NDUFAF4: variants seen among roughly 807,000 people sequenced by gnomAD.
The protein encoded by NDUFAF4 is NADH:ubiquinone oxidoreductase complex assembly factor 4, also known as NADH dehydrogenase [ubiquinone] 1 alpha subcomplex assembly factor 4.
Under a neutral mutation model 15.6 loss-of-function variants are expected in NDUFAF4, and 10 were observed. That is an observed-to-expected ratio of 0.64 (90% CI 0.40 to 1.09). NDUFAF4 has a LOEUF of 1.09. NDUFAF4 is among the 50% of genes least tolerant of loss of function. The pLI, the probability that NDUFAF4 is intolerant of heterozygous loss-of-function variation, is 0.01. For missense variants in NDUFAF4, 203 were observed against 207.3 expected (o/e 0.98, Z 0.13); for synonymous variants, 77 against 73.3 (o/e 1.05, Z -0.26).
chr6:96,897,049 C>T (rs1284704357), intron 1 of NDUFAF4: 1 of 517,246 alleles, frequency 1.9e-6, no homozygotes, highest in Non-Finnish European at 3.5e-6. Context: ...ACCTCAGCCT[C>T]CCGACAAGCT....
chr6:96,895,840 CAG>C (rs1293076056), intron 2 of NDUFAF4, among the ~76,000 whole-genome samples: 2 of 151,926 alleles, frequency 1.3e-5, no homozygotes, highest in Non-Finnish European at 2.9e-5. Flanking sequence ...TGCAAATATC[CAG>C]AGAGAGAGGG....
Position 96,896,969 on chromosome 6 carries a change from C to T in NDUFAF4, c.137-122G>A, listed in dbSNP as rs961741839. 5.3e-6 allele frequency: 4 copies of T among 756,808 alleles called. No homozygotes were observed. In the African/African-American group the frequency reaches 7.0e-5, roughly 13 times the overall value. 46.9% of individuals were successfully genotyped at this position (756,808 alleles called of 1,614,324 possible). ...TGAGTCGGAGTCTCGCTCTGTTGCC[C>T]AGACTGGAGTGCAGTCGCGCGATCT... On this transcript the variant is annotated intron_variant, in intron 1 of 2. Transcript: ENST00000316149.
At position 96,890,479 on chromosome 6, in the gene NDUFAF4, T is replaced by C. The variant is rs1775301079; in HGVS notation, c.*625A>G. The C allele has an allele frequency of 6.6e-6, 1 of 152,196 alleles. No homozygotes were observed. Among genetic ancestry groups the C allele is most frequent in the African/African-American group, 2.4e-5 (1 of 41,430 alleles). The allele number at this position is 152,196 out of a possible 1,614,324, so 9.4% of individuals were successfully genotyped here. A position where few individuals can be genotyped will look rare whatever the true frequency, so the allele number is the denominator to read the frequency against. On this transcript the variant is annotated 3_prime_UTR_variant, in exon 3 of 3. Coordinates refer to ENST00000316149, the MANE Select transcript of NDUFAF4 (RefSeq NM_014165.4). ...ATTCCCAACATTTTGTAAACACCACTAATTACTTTTTATAACTGTAAAGAC... is the reference window on the plus strand; with the variant it reads ...ATTCCCAACATTTTGTAAACACCACCAATTACTTTTTATAACTGTAAAGAC...
In NDUFAF4 at chr6:96,891,002, G is replaced by C; in HGVS notation, c.*102C>G. ...TTAAGAGTATGCCCTCACAATGAGAGCATTAAATATTTGGTAATTAACATA... is the reference window on the plus strand; with the variant it reads ...TTAAGAGTATGCCCTCACAATGAGACCATTAAATATTTGGTAATTAACATA... On this transcript the variant is annotated 3_prime_UTR_variant, in exon 3 of 3. Coordinates refer to ENST00000316149, the MANE Select transcript of NDUFAF4 (RefSeq NM_014165.4). 2 of 1,069,000 alleles carry C rather than the reference G, an allele frequency of 1.9e-6. No homozygotes were observed. The highest frequency in any genetic ancestry group is 2.8e-6 in the Non-Finnish European group (2 of 718,698). 66.2% of individuals were successfully genotyped at this position (1,069,000 alleles called of 1,614,324 possible).
chr6:96,897,663 C>T lies in NDUFAF4; in HGVS notation c.136+3G>A, dbSNP rs1372799697. 6.2e-7 allele frequency: 1 copy of T among 1,613,794 alleles called. No homozygotes were observed. Among genetic ancestry groups the T allele is most frequent in the South Asian group, 1.1e-5 (1 of 91,070 alleles). Reference sequence around the variant, plus strand: ...GGCCCCGAAACGCCCTCGCACCACTCACGACTAATCTGCTCTCGCAGGAGG... The same window carrying T: ...GGCCCCGAAACGCCCTCGCACCACTTACGACTAATCTGCTCTCGCAGGAGG... On this transcript the variant is annotated splice_donor_region_variant and intron_variant, in intron 1 of 2. Coordinates refer to ENST00000316149, the MANE Select transcript of NDUFAF4 (RefSeq NM_014165.4).
At chr6:96,891,423 GAGAA>G in intron 2 of NDUFAF4, 32 bp from the exon 3 acceptor site, 1 of 1,582,222 alleles carries the variant, frequency 6.3e-7, no homozygotes, top group South Asian at 1.1e-5. Flanking sequence ...TTTAGGATGA[GAGAA>G]AAGATTTGAC....
intron 2 of NDUFAF4, among the ~76,000 whole-genome samples, chr6:96,892,232 G>A (rs928282296): frequency 2.6e-5 from 4 of 151,934 alleles, no homozygotes; most frequent in South Asian, 2.1e-4. Flanking sequence ...TCTTTCTCCC[G>A]AGAAAATAAA....
chr6:96,893,740 C>T (rs1014514083), intron 2 of NDUFAF4, among the ~76,000 whole-genome samples: 3 of 147,178 alleles, frequency 2.0e-5, no homozygotes, highest in African/African-American at 7.5e-5. Flanking sequence ...AAAAAAAAAA[C>T]CCTTAGGAAA....
At chr6:96,894,103 C>G (rs1775344337) in intron 2 of NDUFAF4, among the ~76,000 whole-genome samples, 1 of 152,160 alleles carries the variant, frequency 6.6e-6, no homozygotes, top group African/African-American at 2.4e-5. Context: ...CTGAAGTCAA[C>G]TACAGACCAA....
intron 2 of NDUFAF4, among the ~76,000 whole-genome samples, chr6:96,893,701 T>C (rs1775340323): frequency 6.8e-6 from 1 of 148,084 alleles, no homozygotes. Context: ...CAAAAAAATC[T>C]AAGAAGATTC....
chr6:96,897,541 A>C (rs1003983399), intron 1 of NDUFAF4, 125 bp downstream of exon 1: 4 of 1,421,768 alleles, frequency 2.8e-6, no homozygotes, highest in East Asian at 2.5e-5. Context: ...ACGCTCCGCC[A>C]ACCCGAGCGG....
Position 96,890,009 on chromosome 6 carries a change from T to C in NDUFAF4, c.*1095A>G, listed in dbSNP as rs1220342655. On this transcript the variant is annotated 3_prime_UTR_variant, in exon 3 of 3. Coordinates refer to ENST00000316149, the MANE Select transcript of NDUFAF4 (RefSeq NM_014165.4). ...GATAACCCTTACATTTAGGGTAGCA[T>C]TATGCTTATTTTATAGAAGAAACTC... 1 of 152,128 alleles carries C rather than the reference T, an allele frequency of 6.6e-6. No homozygotes were observed. The highest frequency in any genetic ancestry group is 1.9e-4 in the East Asian group (1 of 5,186). The allele number at this position is 152,128 out of a possible 1,614,324, so 9.4% of individuals were successfully genotyped here. A position where few individuals can be genotyped will look rare whatever the true frequency, so the allele number is the denominator to read the frequency against.
chr6:96,894,076 G>A (rs557514998), intron 2 of NDUFAF4, among the ~76,000 whole-genome samples: 1 of 152,090 alleles, frequency 6.6e-6, no homozygotes, highest in Non-Finnish European at 1.5e-5. Flanking sequence ...GTAGTACCTG[G>A]CTTTATCTAC....
chr6:96,897,478 C>A (rs1354501513), intron 1 of NDUFAF4, among the ~76,000 whole-genome samples, 188 bp downstream of exon 1: 1 of 152,158 alleles, frequency 6.6e-6, no homozygotes, highest in Non-Finnish European at 1.5e-5. Context: ...CCGACCTCAC[C>A]GCGGGCGCGG....
intron 2 of NDUFAF4, among the ~76,000 whole-genome samples, chr6:96,892,348 T>C (rs1156681104): frequency 6.6e-6 from 1 of 152,196 alleles, no homozygotes; most frequent in Non-Finnish European, 1.5e-5. Flanking sequence ...TGCTCTGCAT[T>C]CCATTCTTGT....
In NDUFAF4 at chr6:96,890,288, C is replaced by T. The variant is rs1166411444; in HGVS notation, c.*816G>A. ...TATGTAATCACCAAATTTCATCTAC[C>T]ATGGTTTTTTAATTATTCTTTAAAT... is the stretch of plus-strand genomic sequence containing the variant. On this transcript the variant is annotated 3_prime_UTR_variant, in exon 3 of 3. Coordinates refer to ENST00000316149, the MANE Select transcript of NDUFAF4 (RefSeq NM_014165.4). The T allele has an allele frequency of 6.6e-6, 1 of 152,018 alleles. No homozygotes were observed. Among genetic ancestry groups the T allele is most frequent in the Non-Finnish European group, 1.5e-5 (1 of 68,002 alleles). 9.4% of individuals were successfully genotyped at this position (152,018 alleles called of 1,614,324 possible).
In NDUFAF4 at chr6:96,897,785, A is replaced by G. The variant is rs1775408968; in HGVS notation, c.17T>C (p.Ile6Thr). 6.2e-7 allele frequency: 1 copy of G among 1,614,028 alleles called. No homozygotes were observed. Among genetic ancestry groups the G allele is most frequent in the African/African-American group, 1.3e-5 (1 of 74,926 alleles). MGALV[I>T]RGIRNFNLEN... ...TAGGTTGAAATTCCTGATACCGCGAATCACTAGTGCTCCCATCTCCTCATA... is the reference window on the plus strand; with the variant it reads ...TAGGTTGAAATTCCTGATACCGCGAGTCACTAGTGCTCCCATCTCCTCATA... The change falls in exon 1 of 3, where the codon ATT (isoleucine) becomes ACT (threonine). Residue 6 changes from isoleucine to threonine, a missense_variant. Ile to Thr is a moderately conservative substitution (Grantham distance 89). Coordinates refer to ENST00000316149, the MANE Select transcript of NDUFAF4 (RefSeq NM_014165.4).
At chr6:96,893,949 T>A (rs904644393) in intron 2 of NDUFAF4, among the ~76,000 whole-genome samples, 1 of 152,124 alleles carries the variant, frequency 6.6e-6, no homozygotes, top group East Asian at 1.9e-4. Context: ...AAAGAGAAGT[T>A]TTTAATTCTA....
chr6:96,890,645 T>C lies in NDUFAF4; in HGVS notation c.*459A>G, dbSNP rs560563894. The C allele has an allele frequency of 1.0e-3, 158 of 158,450 alleles. 1 individual carries two copies. Among genetic ancestry groups the C allele is most frequent in the Non-Finnish European group, 1.7e-3 (123 of 72,262 alleles). 9.8% of individuals were successfully genotyped at this position (158,450 alleles called of 1,614,324 possible). ...TTTGGGAACTACTGTTAGTCTACCC[T>C]GCTATCGAGTCTCTTTCCCTAACGA... On this transcript the variant is annotated 3_prime_UTR_variant, in exon 3 of 3. Coordinates refer to ENST00000316149, the MANE Select transcript of NDUFAF4 (RefSeq NM_014165.4).
Sources: gnomAD v4.1 joint callset for allele counts (sites outside exome capture counted in the v4.1 genomes callset) on GRCh38, gnomAD v4.1.1 for gene constraint, MANE v1.5 for transcripts, NCBI Gene and HGNC (gene_info 2026-07-23, HGNC 2026-07-21) for gene names.